ST8SIA5: variants seen among roughly 807,000 people sequenced by gnomAD.
The protein encoded by ST8SIA5 is alpha-2,8-sialyltransferase 8E.
A neutral mutation model predicts 40.2 loss-of-function variants in ST8SIA5; 24 were observed. The ratio of observed to expected loss-of-function variants is 0.60; its 90% CI spans 0.43 to 0.84. The LOEUF (loss-of-function observed/expected upper bound fraction) is 0.84, where lower values mean the gene tolerates loss of function less well. Ranked by LOEUF, ST8SIA5 falls within the 40% of genes least tolerant of loss-of-function variation. The pLI is 0.00. For synonymous variants in ST8SIA5, 198 were observed against 201.8 expected, an observed-to-expected ratio of 0.98 and a Z score of 0.16; for missense variants, 465 against 498.5, an observed-to-expected ratio of 0.93 and a Z score of 0.64.
chr18:46,746,282 G>T (rs142663641), intron 1 of ST8SIA5, among the ~76,000 whole-genome samples: 4 of 152,040 alleles, frequency 2.6e-5, no homozygotes, highest in African/African-American at 9.7e-5. Context: ...AAATTGTCCC[G>T]GTTTGCAGAT....
At chr18:46,741,699 T>C (rs2040087755) in intron 1 of ST8SIA5, among the ~76,000 whole-genome samples, 1 of 152,188 alleles carries the variant, frequency 6.6e-6, no homozygotes, top group African/African-American at 2.4e-5. Context: ...ACCCCTAAAA[T>C]TATAAGTTGA....
At chr18:46,695,175 A>AAG (rs2039546061) in intron 2 of ST8SIA5, among the ~76,000 whole-genome samples, 4 of 151,396 alleles carry the variant, frequency 2.6e-5, no homozygotes, top group Non-Finnish European at 5.9e-5. Context: ...AAAAAAAAAA[A>AAG]AACCCTTTTT....
At chr18:46,752,368 C>G (rs1269925209) in intron 1 of ST8SIA5, among the ~76,000 whole-genome samples, 1 of 152,166 alleles carries the variant, frequency 6.6e-6, no homozygotes, top group African/African-American at 2.4e-5. Context: ...CATTGTATCC[C>G]TAGCACTTAA....
intron 1 of ST8SIA5, among the ~76,000 whole-genome samples, chr18:46,748,841 T>A (rs1226018167): frequency 6.6e-6 from 1 of 152,138 alleles, no homozygotes; most frequent in African/African-American, 2.4e-5. Context: ...TGGCAGTTCA[T>A]CAAATGGCAA....
chr18:46,707,096 C>A (rs571165248), intron 1 of ST8SIA5, among the ~76,000 whole-genome samples: 1 of 152,188 alleles, frequency 6.6e-6, no homozygotes. Flanking sequence ...CTCTAACTCA[C>A]CTAATTTTCC....
At chr18:46,740,915 C>A (rs962491231) in intron 1 of ST8SIA5, among the ~76,000 whole-genome samples, 1 of 152,068 alleles carries the variant, frequency 6.6e-6, no homozygotes, top group Non-Finnish European at 1.5e-5. Flanking sequence ...TCATCATCAT[C>A]CCCAAATTGA....
At chr18:46,692,528 C>G (rs537525596) in intron 2 of ST8SIA5, among the ~76,000 whole-genome samples, 1 of 151,894 alleles carries the variant, frequency 6.6e-6, no homozygotes, top group African/African-American at 2.4e-5. Flanking sequence ...CTCAGCCTAC[C>G]GAGTAGCTGG....
intron 1 of ST8SIA5, among the ~76,000 whole-genome samples, chr18:46,719,696 T>TTCTTTCTTTCTTTCTTTCTTTCTTTCTC (rs1282389028): frequency 6.8e-6 from 1 of 147,622 alleles, no homozygotes; most frequent in Non-Finnish European, 1.5e-5. Context: ...CTTTCTTTCT[T>TTCTTTCTTTCTTTCTTTCTTTCTTTCTC]TCTTTCTTTC....
At chr18:46,694,381 G>A (rs548348921) in intron 2 of ST8SIA5, among the ~76,000 whole-genome samples, 4 of 152,226 alleles carry the variant, frequency 2.6e-5, no homozygotes, top group South Asian at 2.1e-4. Flanking sequence ...TTATTGGATC[G>A]TCTTTTTCCA....
At chr18:46,713,874 T>C (rs1163193328) in intron 1 of ST8SIA5, among the ~76,000 whole-genome samples, 1 of 151,918 alleles carries the variant, frequency 6.6e-6, no homozygotes, top group Non-Finnish European at 1.5e-5. Context: ...GTGGGAAATG[T>C]TGGAGATGGT....
In ST8SIA5 at chr18:46,713,883, G is replaced by A. The variant is rs1254834751; in HGVS notation, c.132-9219C>T. On this transcript the variant is annotated intron_variant, in intron 1 of 6. Coordinates refer to ENST00000315087, the MANE Select transcript of ST8SIA5 (RefSeq NM_013305.6). ...CCAGGAGTGGGAAATGTTGGAGATG[G>A]TGCCATGGAAGTCTGCAGGTGAAGG... Among the ~76,000 whole-genome samples, 3 of 152,172 alleles carry A rather than the reference G, an allele frequency of 2.0e-5. No individual in the cohort carries two copies. In the East Asian group the frequency reaches 5.8e-4, roughly 29 times the overall value.
chr18:46,739,908 A>C (rs1353941005), intron 1 of ST8SIA5, among the ~76,000 whole-genome samples: 1 of 152,132 alleles, frequency 6.6e-6, no homozygotes, highest in Non-Finnish European at 1.5e-5. Flanking sequence ...ACTCTGGGCA[A>C]GTATGAAGAG....
chr18:46,710,258 A>T (rs921394243), intron 1 of ST8SIA5, among the ~76,000 whole-genome samples: 1 of 90,636 alleles, frequency 1.1e-5, no homozygotes, highest in African/African-American at 3.9e-5. Context: ...AGAGGTGAAC[A>T]CAGTGGCCCT....
chr18:46,730,542 T>C (rs1401664774), intron 1 of ST8SIA5, among the ~76,000 whole-genome samples: 2 of 152,222 alleles, frequency 1.3e-5, no homozygotes, highest in Non-Finnish European at 1.5e-5. Flanking sequence ...ATTTTATACA[T>C]GCTTGCATTA....
At chr18:46,684,012 C>T (rs554711524) in intron 5 of ST8SIA5, among the ~76,000 whole-genome samples, 81 of 151,906 alleles carry the variant, frequency 5.3e-4, no homozygotes, top group Non-Finnish European at 9.1e-4. Context: ...TAGAACAGGA[C>T]GGAGTCTCAG....
In ST8SIA5 at chr18:46,669,269, T is replaced by C. The variant is rs3809956; in HGVS notation, c.*10773A>G. Reference sequence around the variant, plus strand: ...GGCTAGAGCGGGACACTGGCCACCGTCCCCTGCCCTCCAGTTCCTCCCACC... The same window carrying C: ...GGCTAGAGCGGGACACTGGCCACCGCCCCCTGCCCTCCAGTTCCTCCCACC... On this transcript the variant is annotated 3_prime_UTR_variant, in exon 7 of 7. Transcript: ENST00000315087. 0.13 allele frequency: 19,039 copies of C among 152,188 alleles called. 1,399 individuals carry two copies. The highest frequency in any genetic ancestry group is 0.19 in the East Asian group (955 of 5,096). 9.4% of individuals were successfully genotyped at this position (152,188 alleles called of 1,614,324 possible).
At chr18:46,742,203 A>T (rs909251988) in intron 1 of ST8SIA5, among the ~76,000 whole-genome samples, 1 of 152,094 alleles carries the variant, frequency 6.6e-6, no homozygotes, top group African/African-American at 2.4e-5. Context: ...AAAATATCTT[A>T]AAAAAATAAG....
chr18:46,714,668 G>A (rs1039008591), intron 1 of ST8SIA5, among the ~76,000 whole-genome samples: 2 of 152,144 alleles, frequency 1.3e-5, no homozygotes, highest in Non-Finnish European at 2.9e-5. Context: ...GAGAACCCCA[G>A]GAGTGACTGA....
At chr18:46,742,109 AT>A (rs1438603410) in intron 1 of ST8SIA5, among the ~76,000 whole-genome samples, 6 of 151,856 alleles carry the variant, frequency 4.0e-5, no homozygotes, top group Admixed American at 6.5e-5. Context: ...TAAAAAATAA[AT>A]AAATAAATAA....
Sources: allele counts gnomAD v4.1 joint callset (sites outside exome capture counted in the v4.1 genomes callset), GRCh38; gene constraint gnomAD v4.1.1; transcripts MANE v1.5; gene names NCBI Gene and HGNC (gene_info 2026-07-23, HGNC 2026-07-21).